The following CDH1 variants were observed in gnomAD, a reference collection of about 807,000 sequenced individuals.
The protein encoded by CDH1 is cadherin-1.
In CDH1, 35 loss-of-function variants were observed where a neutral mutation model predicts 84.5. That is an observed-to-expected ratio of 0.41 (90% CI 0.32 to 0.55). CDH1 has a LOEUF of 0.55. Among genes scored for constraint, CDH1 ranks in the 20% least tolerant of loss-of-function variants. The pLI is 0.19. For missense variants in CDH1, 994 were observed against 1,126.6 expected (o/e 0.88, Z 1.68); for synonymous variants, 417 against 439.0 (o/e 0.95, Z 0.63).
At chr16:68,810,432 T>A (rs2152131364) in intron 6 of CDH1, 91 bp downstream of exon 6, 2 of 1,245,106 alleles carry the variant, frequency 1.6e-6, no homozygotes, top group Non-Finnish European at 2.4e-6. Flanking sequence ...GTTGTGTAAC[T>A]AAAGCTGATC....
At chr16:68,811,927 G>A (rs2152132259) in intron 7 of CDH1, 68 bp downstream of exon 7, 1 of 1,558,626 alleles carries the variant, frequency 6.4e-7, no homozygotes, top group Non-Finnish European at 8.8e-7. Flanking sequence ...CGTGGACAAA[G>A]CAAAATCCTG....
rs747783435 is a variant in CDH1, at chr16:68,819,273, C to T, written c.1566-7C>T. ...TATTCTAAAAGCCAGAGCTTGTCCC[C>T]GTTCAGATATCGGATTTGGAGAGAC... On this transcript the variant is annotated splice_polypyrimidine_tract_variant and splice_region_variant and intron_variant, in intron 10 of 15. Coordinates refer to ENST00000261769, the MANE Select transcript of CDH1 (RefSeq NM_004360.5). The T allele has an allele frequency of 2.1e-5, 34 of 1,614,082 alleles. No homozygotes were observed. The Middle Eastern group carries it at 4.9e-4, about 23-fold the overall frequency.
chr16:68,799,336 T>G (rs992664267), intron 2 of CDH1, among the ~76,000 whole-genome samples: 1 of 152,152 alleles, frequency 6.6e-6, no homozygotes, highest in Non-Finnish European at 1.5e-5. Context: ...GATTTTTTAT[T>G]TTTATTTTTT....
intron 2 of CDH1, among the ~76,000 whole-genome samples, chr16:68,751,651 G>A (rs1256307499): frequency 6.7e-6 from 1 of 148,628 alleles, no homozygotes; most frequent in Admixed American, 6.7e-5. Flanking sequence ...TAGAGGCATG[G>A]GCCACCACGC....
chr16:68,801,594 G>C, intron 2 of CDH1, 76 bp from the exon 3 acceptor site: 1 of 1,251,446 alleles, frequency 8.0e-7, no homozygotes, highest in Non-Finnish European at 1.2e-6. Context: ...CTTCCCACAA[G>C]TTCGCTCTTT....
intron 2 of CDH1, among the ~76,000 whole-genome samples, chr16:68,800,047 A>C (rs983888707): frequency 9.2e-5 from 14 of 151,410 alleles, no homozygotes; most frequent in African/African-American, 3.4e-4. Context: ...AAAAAAAAAA[A>C]AACCAAGGTT....
In CDH1 at chr16:68,811,790, C is replaced by G. The variant is rs955528859; in HGVS notation, c.939C>G (p.Asp313Glu). 1.2e-6 allele frequency: 2 copies of G among 1,614,142 alleles called. No individual in the cohort carries two copies. The highest frequency in any genetic ancestry group is 1.7e-6 in the Non-Finnish European group (2 of 1,180,038). Residue 313 changes from aspartate to glutamate, a missense_variant, in exon 7 of 16, where the codon GAC (aspartate) becomes GAG (glutamate). This residue lies in a region of CDH1 where 769 missense variants were observed against 881.8 expected (regional missense o/e 0.87). Transcript: ENST00000261769. ...TILSQDPELP[D>E]KNMFTINRNT... ...TCAGCCAAGATCCTGAGCTCCCTGA[C>G]AAAAATATGTTCACCATTAACAGGA...
In CDH1 at chr16:68,818,473, T is replaced by C. The variant is rs76921861; in HGVS notation, c.1566-807T>C. Among the ~76,000 whole-genome samples, 413 of 151,558 alleles carry C rather than the reference T, an allele frequency of 2.7e-3. 5 individuals carry two copies. Among genetic ancestry groups the C allele is most frequent in the African/African-American group, 9.6e-3 (399 of 41,416 alleles). ...TGAGTAAACTCAGGTGAAGAGTTCATGGATGGTCATCATACTATTATAGTA... is the reference window on the plus strand; with the variant it reads ...TGAGTAAACTCAGGTGAAGAGTTCACGGATGGTCATCATACTATTATAGTA... On this transcript the variant is annotated intron_variant, in intron 10 of 15. Transcript: ENST00000261769.
chr16:68,812,375 G>A (rs1960864491), intron 8 of CDH1, 112 bp downstream of exon 8: 1 of 1,177,424 alleles, frequency 8.5e-7, no homozygotes, highest in East Asian at 2.4e-5. Flanking sequence ...CCAGACTAGA[G>A]AATGTTAACT....
chr16:68,752,675 G>A (rs145895162), intron 2 of CDH1, among the ~76,000 whole-genome samples: 76 of 152,058 alleles, frequency 5.0e-4, no homozygotes, highest in Non-Finnish European at 9.9e-4. Context: ...GCCTCTGGTT[G>A]GCACTCCCCA....
chr16:68,799,412 G>A (rs1567500089), intron 2 of CDH1, among the ~76,000 whole-genome samples: 1 of 152,250 alleles, frequency 6.6e-6, no homozygotes, highest in East Asian at 1.9e-4. Flanking sequence ...TCGTATGAAC[G>A]AGCTCTTCCT....
chr16:68,775,825 T>G (rs1227297918), intron 2 of CDH1, among the ~76,000 whole-genome samples: 1 of 152,180 alleles, frequency 6.6e-6, no homozygotes, highest in Non-Finnish European at 1.5e-5. Context: ...TAAACTTAGG[T>G]GTGGTCGTTT....
chr16:68,830,124 T>C (rs1054701688), intron 15 of CDH1, among the ~76,000 whole-genome samples: 4 of 151,784 alleles, frequency 2.6e-5, no homozygotes, highest in African/African-American at 9.7e-5. Flanking sequence ...TCAGCTAATT[T>C]TGTATTTTTA....
intron 2 of CDH1, among the ~76,000 whole-genome samples, chr16:68,748,180 T>A (rs1962797532): frequency 6.7e-6 from 1 of 150,088 alleles, no homozygotes; most frequent in Admixed American, 6.7e-5. Flanking sequence ...TGGCATGATC[T>A]CGGCTCACCG....
At chr16:68,809,128 A>G (rs1960750953) in intron 5 of CDH1, 2 of 475,974 alleles carry the variant, frequency 4.2e-6, no homozygotes, top group African/African-American at 3.9e-5. Context: ...TTGGGGCTGG[A>G]AGTCCCTGAC....
chr16:68,816,620 A>T (rs1960993043), intron 10 of CDH1, among the ~76,000 whole-genome samples: 1 of 152,148 alleles, frequency 6.6e-6, no homozygotes, highest in Middle Eastern at 3.2e-3. Context: ...ATGGTGGTAC[A>T]CACCTGTAAT....
At chr16:68,790,473 G>A (rs560290164) in intron 2 of CDH1, among the ~76,000 whole-genome samples, 2 of 152,204 alleles carry the variant, frequency 1.3e-5, no homozygotes, top group Non-Finnish European at 2.9e-5. Context: ...CCTCTGTTTC[G>A]GCAGACAGGC....
chr16:68,798,958 G>A (rs749234313), intron 2 of CDH1, among the ~76,000 whole-genome samples: 42 of 152,228 alleles, frequency 2.8e-4, no homozygotes, highest in Middle Eastern at 6.8e-3. Context: ...CAAATACACA[G>A]GAATAATAGT....
At chr16:68,743,605 G>T (rs950847603) in intron 2 of CDH1, among the ~76,000 whole-genome samples, 16 of 151,862 alleles carry the variant, frequency 1.1e-4, no homozygotes, top group African/African-American at 3.4e-4. Flanking sequence ...GCTCAAAGTG[G>T]TCTACCTGCC....
Sources: allele counts gnomAD v4.1 joint callset (sites outside exome capture counted in the v4.1 genomes callset), GRCh38; gene constraint gnomAD v4.1.1; regional missense constraint gnomAD v4.1.1; transcripts MANE v1.5; gene names NCBI Gene and HGNC (gene_info 2026-07-23, HGNC 2026-07-21).